Variants in VPS41 observed in about 807,000 individuals in gnomAD.
VPS41 encodes the protein vacuolar protein sorting-associated protein 41 homolog.
A neutral mutation model predicts 130.9 loss-of-function variants in VPS41; 85 were observed. The ratio of observed to expected loss-of-function variants is 0.65; its 90% confidence interval spans 0.55 to 0.78. VPS41 has a LOEUF of 0.78. Ranked by LOEUF, VPS41 falls within the 30% of genes least tolerant of loss-of-function variation. The pLI is 0.00. For missense variants in VPS41, 874 were observed against 1,018.7 expected (o/e 0.86, Z 1.93); for synonymous variants, 335 against 332.9 (o/e 1.01, Z -0.07).
chr7:38,766,587 T>G (rs576400719), intron 15 of VPS41, among the ~76,000 whole-genome samples: 1 of 152,110 alleles, frequency 6.6e-6, no homozygotes, highest in African/African-American at 2.4e-5. Context: ...GGTGATAGGG[T>G]TTGGCCGTGT....
chr7:38,811,359 C>G (rs1446347033), intron 7 of VPS41, among the ~76,000 whole-genome samples: 2 of 151,940 alleles, frequency 1.3e-5, no homozygotes, highest in South Asian at 4.1e-4. Flanking sequence ...GCAAACAGAT[C>G]ATTATAGTTT....
chr7:38,751,686 T>C (rs922301810), intron 22 of VPS41, among the ~76,000 whole-genome samples: 1 of 152,156 alleles, frequency 6.6e-6, no homozygotes, highest in Non-Finnish European at 1.5e-5. Context: ...TAGTGGAATG[T>C]AGGATGTAGG....
intron 4 of VPS41, among the ~76,000 whole-genome samples, chr7:38,845,692 G>A (rs73123628): frequency 0.012 from 1,842 of 152,300 alleles, 18 homozygotes; most frequent in Non-Finnish European, 0.02. Flanking sequence ...AAACCAGTCT[G>A]AGCAATGGCA....
At chr7:38,859,212 T>C (rs1786049352) in intron 4 of VPS41, among the ~76,000 whole-genome samples, 1 of 152,188 alleles carries the variant, frequency 6.6e-6, no homozygotes, top group African/African-American at 2.4e-5. Context: ...AGGTGTGCTA[T>C]TATAAAGTCA....
chr7:38,763,171 C>T (rs1783957946), intron 17 of VPS41, among the ~76,000 whole-genome samples: 1 of 152,152 alleles, frequency 6.6e-6, no homozygotes, highest in South Asian at 2.1e-4. Context: ...GGAATAGCAG[C>T]TGCTATTGTA....
Position 38,809,070 on chromosome 7 carries a change from C to G in VPS41, c.450+8747G>C, listed in dbSNP as rs565383955. Among the ~76,000 whole-genome samples, 7 of 152,032 alleles carry G rather than the reference C, an allele frequency of 4.6e-5. No individual in the cohort carries two copies. The East Asian group carries it at 1.3e-3, about 29-fold the overall frequency. On this transcript the variant is annotated intron_variant, in intron 7 of 28. Transcript: ENST00000310301. ...CAATGGATTTTAAGTATTCTCATCC[C>G]CAAAGAAATGGTAACTATGTGAGGC...
At chr7:38,899,668 G>A (rs575195685) in intron 1 of VPS41, among the ~76,000 whole-genome samples, 3 of 152,218 alleles carry the variant, frequency 2.0e-5, no homozygotes, top group African/African-American at 7.2e-5. Context: ...GGTTGGAAGA[G>A]TGAGGCTTAG....
chr7:38,821,321 GAGTCAGTATGAACACATAC>G (rs1785167113), intron 5 of VPS41, 56 bp from the exon 6 acceptor site: 1 of 1,223,812 alleles, frequency 8.2e-7, no homozygotes. Flanking sequence ...GAAGGCTACT[GAGTCAGTATGAACACATAC>G]TATCAATAAG....
At chr7:38,831,375 C>A in intron 4 of VPS41, 1 of 390,946 alleles carries the variant, frequency 2.6e-6, no homozygotes, top group South Asian at 2.0e-5. Flanking sequence ...TCCTCTGCTG[C>A]ACTAACACAT....
In VPS41 at chr7:38,726,916, G is replaced by C; in HGVS notation, c.2477C>G (p.Pro826Arg). 6.4e-7 allele frequency: 1 copy of C among 1,574,208 alleles called. No homozygotes were observed. The highest frequency in any genetic ancestry group is 8.6e-7 in the Non-Finnish European group (1 of 1,160,544). The change falls in exon 28 of 29, where the codon CCC (proline) becomes CGC (arginine). Residue 826 changes from proline to arginine, a missense_variant. By Grantham distance (103) the Pro-to-Arg change is moderately radical. Coordinates refer to ENST00000310301, the MANE Select transcript of VPS41 (RefSeq NM_014396.4). ...GCCAAGCTGCCAACTCACCATGCTG[G>C]GCATGGGCAGGCACTCCTTGTGGAA... ...HMFHKECLPM[P>R]SMNSAAQFCN... is the part of the protein sequence containing the mutation.
At chr7:38,762,162 T>C (rs567680176) in intron 17 of VPS41, among the ~76,000 whole-genome samples, 2 of 152,288 alleles carry the variant, frequency 1.3e-5, no homozygotes, top group African/African-American at 4.8e-5. Flanking sequence ...GTTAGGCTTC[T>C]CTCTGTTCAA....
chr7:38,857,107 T>A (rs1169814889), intron 4 of VPS41, among the ~76,000 whole-genome samples: 1 of 152,166 alleles, frequency 6.6e-6, no homozygotes, highest in African/African-American at 2.4e-5. Flanking sequence ...TATCAGCAAC[T>A]AAGGAATACA....
At chr7:38,785,496 A>G (rs567059251) in intron 10 of VPS41, among the ~76,000 whole-genome samples, 2 of 152,364 alleles carry the variant, frequency 1.3e-5, no homozygotes, top group African/African-American at 2.4e-5. Context: ...ACTATTGTCA[A>G]TTAAATGACA....
At chr7:38,811,408 T>C (rs968338411) in intron 7 of VPS41, among the ~76,000 whole-genome samples, 11 of 152,080 alleles carry the variant, frequency 7.2e-5, no homozygotes, top group African/African-American at 2.2e-4. Flanking sequence ...AGTAAATACA[T>C]ATTTACATGA....
At position 38,799,489 on chromosome 7, in the gene VPS41, G is replaced by C. The variant is rs543547692; in HGVS notation, c.451-2625C>G. 5.9e-5 allele frequency among the ~76,000 whole-genome samples: 9 copies of C among 152,124 alleles called. No homozygotes were observed. The East Asian group carries it at 1.5e-3, about 26-fold the overall frequency. On this transcript the variant is annotated intron_variant, in intron 7 of 28. Coordinates refer to ENST00000310301, the MANE Select transcript of VPS41 (RefSeq NM_014396.4). ...AAAAAAGGAAAATCTAGATTTAAAA[G>C]TTAATAATGAACATGACATGTCGCT... is the stretch of plus-strand genomic sequence containing the variant.
chr7:38,816,195 C>T (rs1485769164), intron 7 of VPS41, among the ~76,000 whole-genome samples: 1 of 152,090 alleles, frequency 6.6e-6, no homozygotes, highest in Non-Finnish European at 1.5e-5. Flanking sequence ...AATTAGTCCC[C>T]TGGACATTTT....
rs1459955761 is a variant in VPS41 at position 38,724,573 on chromosome 7, C to T, written c.*1673G>A. ...ATATGTTCTGTGCATTTCCTTTGAA[C>T]TTGGCCCTATGATTTCTTTTCTTTT... On this transcript the variant is annotated 3_prime_UTR_variant, in exon 29 of 29. Coordinates refer to ENST00000310301, the MANE Select transcript of VPS41 (RefSeq NM_014396.4). 2 of 152,562 alleles carry T rather than the reference C, an allele frequency of 1.3e-5. No individual in the cohort carries two copies. The highest frequency in any genetic ancestry group is 2.1e-4 in the South Asian group (1 of 4,834). 9.5% of individuals were successfully genotyped at this position (152,562 alleles called of 1,614,324 possible). A position where few individuals can be genotyped will look rare whatever the true frequency, so the allele number is the denominator to read the frequency against.
intron 7 of VPS41, among the ~76,000 whole-genome samples, chr7:38,803,810 A>C (rs1784782947): frequency 6.6e-6 from 1 of 152,234 alleles, no homozygotes; most frequent in African/African-American, 2.4e-5. Context: ...CCAGGAACCC[A>C]TATGGAGCAG....
At chr7:38,860,741 GT>G (rs1786089513) in intron 4 of VPS41, among the ~76,000 whole-genome samples, 3 of 128,548 alleles carry the variant, frequency 2.3e-5, no homozygotes, top group Non-Finnish European at 5.1e-5. Context: ...GTGTGTGTGT[GT>G]GGACATACGC....
Sources: allele counts gnomAD v4.1 joint callset (sites outside exome capture counted in the v4.1 genomes callset), GRCh38; gene constraint gnomAD v4.1.1; transcripts MANE v1.5; gene names NCBI Gene and HGNC (gene_info 2026-07-23, HGNC 2026-07-21).